PRKD3: variants seen among roughly 807,000 people sequenced by gnomAD.
PRKD3 encodes protein kinase D3.
A neutral mutation model predicts 99.2 loss-of-function variants in PRKD3; 47 were observed. The ratio of observed to expected loss-of-function variants is 0.47; its 90% confidence interval spans 0.38 to 0.60. The LOEUF is 0.60. Among genes scored for constraint, PRKD3 ranks in the 20% least tolerant of loss-of-function variants. PRKD3 has a pLI of 0.00. For synonymous variants in PRKD3, 392 were observed against 355.4 expected, an observed-to-expected ratio of 1.10 and a Z score of -1.16; for missense variants, 1,019 against 1,088.4, an observed-to-expected ratio of 0.94 and a Z score of 0.90.
chr2:37,316,861 C>A lies in PRKD3; in HGVS notation c.-337G>T, dbSNP rs1016334326. 7 of 1,052,342 alleles carry A rather than the reference C, an allele frequency of 6.7e-6. No individual in the cohort carries two copies. In the African/African-American group the frequency reaches 1.2e-4, roughly 18 times the overall value. 65.2% of individuals were successfully genotyped at this position (1,052,342 alleles called of 1,614,324 possible). A position where few individuals can be genotyped will look rare whatever the true frequency, so the allele number is the denominator to read the frequency against. Reference sequence around the variant, plus strand: ...TTTACGAATCTATTTTCCTTTCAGTCTGTACTTGTCTCTTTAATTTCAGGA... The same window carrying A: ...TTTACGAATCTATTTTCCTTTCAGTATGTACTTGTCTCTTTAATTTCAGGA... On this transcript the variant is annotated 5_prime_UTR_variant, in exon 2 of 19. Coordinates refer to ENST00000234179, the MANE Select transcript of PRKD3 (RefSeq NM_005813.6).
intron 5 of PRKD3, 127 bp from the exon 6 acceptor site, chr2:37,286,496 A>T: frequency 1.3e-6 from 1 of 746,392 alleles, no homozygotes; most frequent in Non-Finnish European, 2.1e-6. Context: ...TGTTGTTCTC[A>T]GCAGTTTCCT....
chr2:37,273,310 G>C (rs1264407599), intron 11 of PRKD3, among the ~76,000 whole-genome samples: 2 of 152,036 alleles, frequency 1.3e-5, no homozygotes, highest in East Asian at 3.9e-4. Context: ...AAGAACCACT[G>C]TGAAACATCC....
intron 1 of PRKD3, among the ~76,000 whole-genome samples, chr2:37,322,273 C>CGA (rs1671918326): frequency 6.6e-6 from 1 of 152,152 alleles, no homozygotes; most frequent in Non-Finnish European, 1.5e-5. Context: ...CAAGTGTCTA[C>CGA]GTCGTTGGTT....
At chr2:37,266,860 T>G (rs1050673825) in intron 14 of PRKD3, among the ~76,000 whole-genome samples, 1 of 152,206 alleles carries the variant, frequency 6.6e-6, no homozygotes, top group African/African-American at 2.4e-5. Context: ...TTGCATATTA[T>G]AAATTATTTA....
intron 3 of PRKD3, 38 bp from the exon 4 acceptor site, chr2:37,291,037 T>G (rs1183264229): frequency 1.3e-6 from 2 of 1,541,086 alleles, no homozygotes; most frequent in Non-Finnish European, 1.8e-6. Flanking sequence ...ACGTTGTATT[T>G]GTACTGCGAT....
At position 37,256,764 on chromosome 2, in the gene PRKD3, T is replaced by G; in HGVS notation, c.2311A>C (p.Ser771Arg). Residue 771 changes from serine (S) to arginine (R), a missense_variant, in exon 17 of 19, where the codon AGT (serine) becomes CGT (arginine). Coordinates refer to ENST00000234179, the MANE Select transcript of PRKD3 (RefSeq NM_005813.6). ...TCCTCATTAAAAGGAAATGTGCCAC[T>G]GAGGCTCACATAGATGATAACTCCC... ...SVGVIIYVSL[S>R]GTFPFNEDED... 1.2e-6 allele frequency: 2 copies of G among 1,613,346 alleles called. No homozygotes were observed. Among genetic ancestry groups the G allele is most frequent in the Non-Finnish European group, 1.7e-6 (2 of 1,179,934 alleles).
chr2:37,316,853 C>T lies in PRKD3; in HGVS notation c.-329G>A, dbSNP rs1472831065. 1.8e-6 allele frequency: 2 copies of T among 1,095,412 alleles called. No individual in the cohort carries two copies. The highest frequency in any genetic ancestry group is 2.2e-6 in the Non-Finnish European group (2 of 899,964). 67.9% of individuals were successfully genotyped at this position (1,095,412 alleles called of 1,614,324 possible). A position where few individuals can be genotyped will look rare whatever the true frequency, so the allele number is the denominator to read the frequency against. On this transcript the variant is annotated 5_prime_UTR_variant, in exon 2 of 19. Coordinates refer to ENST00000234179, the MANE Select transcript of PRKD3 (RefSeq NM_005813.6). Reference sequence around the variant, plus strand: ...GTAGCTTATTTACGAATCTATTTTCCTTTCAGTCTGTACTTGTCTCTTTAA... The same window carrying T: ...GTAGCTTATTTACGAATCTATTTTCTTTTCAGTCTGTACTTGTCTCTTTAA...
At chr2:37,263,065 T>G (rs1419238557) in intron 14 of PRKD3, among the ~76,000 whole-genome samples, 1 of 152,182 alleles carries the variant, frequency 6.6e-6, no homozygotes, top group South Asian at 2.1e-4. Context: ...TGATCTGTTA[T>G]TCCTTTCTGC....
At chr2:37,312,005 A>G (rs1214175811) in intron 2 of PRKD3, among the ~76,000 whole-genome samples, 1 of 152,270 alleles carries the variant, frequency 6.6e-6, no homozygotes, top group Non-Finnish European at 1.5e-5. Context: ...GTTTGTAAAC[A>G]TCCTGATCCT....
Position 37,282,629 on chromosome 2 carries a change from A to T in PRKD3, c.911-10T>A. 6.4e-7 allele frequency: 1 copy of T among 1,558,606 alleles called. No homozygotes were observed. The highest frequency in any genetic ancestry group is 8.8e-7 in the Non-Finnish European group (1 of 1,130,016). On this transcript the variant is annotated splice_polypyrimidine_tract_variant and intron_variant, in intron 6 of 18. Transcript: ENST00000234179. ...CAGTTGAATTTGCAATCTAAAATGA[A>T]AATATTCAGCATATTAATTTATGTA... is the stretch of plus-strand genomic sequence containing the variant.
At chr2:37,286,734 A>G (rs925708974) in intron 5 of PRKD3, among the ~76,000 whole-genome samples, 1 of 152,212 alleles carries the variant, frequency 6.6e-6, no homozygotes, top group African/African-American at 2.4e-5. Context: ...GTGACATCTG[A>G]ATATATTTTG....
At chr2:37,308,922 T>C (rs1671293105) in intron 2 of PRKD3, among the ~76,000 whole-genome samples, 1 of 152,178 alleles carries the variant, frequency 6.6e-6, no homozygotes, top group Non-Finnish European at 1.5e-5. Flanking sequence ...AGATAGTATA[T>C]AACTTCAGTT....
At chr2:37,286,482 A>G (rs557558481) in intron 5 of PRKD3, 113 bp from the exon 6 acceptor site, 34 of 871,778 alleles carry the variant, frequency 3.9e-5, no homozygotes, top group Middle Eastern at 5.3e-4. Context: ...AAAAACTCTA[A>G]AAATGTTGTT....
chr2:37,280,264 C>T lies in PRKD3; in HGVS notation c.989-335G>A, dbSNP rs564880384. Among the ~76,000 whole-genome samples, 77 of 152,102 alleles carry T rather than the reference C, an allele frequency of 5.1e-4. No homozygotes were observed. In the South Asian group the frequency reaches 0.015, roughly 30 times the overall value. On this transcript the variant is annotated intron_variant, in intron 7 of 18. Coordinates refer to ENST00000234179, the MANE Select transcript of PRKD3 (RefSeq NM_005813.6). Reference sequence around the variant, plus strand: ...TTCGCCATGTTGGCCAGGCTGGTCTCGAACTCCTGACCTCAGGGGATCCAC... The same window carrying T: ...TTCGCCATGTTGGCCAGGCTGGTCTTGAACTCCTGACCTCAGGGGATCCAC...
At chr2:37,282,191 A>G in intron 7 of PRKD3, 1 of 182,526 alleles carries the variant, frequency 5.5e-6, no homozygotes, top group Non-Finnish European at 1.2e-5. Context: ...AAGAGTTTAG[A>G]ACAGTGCCTG....
intron 8 of PRKD3, among the ~76,000 whole-genome samples, 179 bp downstream of exon 8, chr2:37,279,567 T>C (rs1406460238): frequency 6.6e-6 from 1 of 151,934 alleles, no homozygotes; most frequent in East Asian, 1.9e-4. Flanking sequence ...CTTGAGTGGA[T>C]GGCAAGGGTG....
chr2:37,324,161 G>A (rs986677756), intron 1 of PRKD3: 2 of 984,922 alleles, frequency 2.0e-6, no homozygotes, highest in African/African-American at 3.5e-5. Context: ...GGATACTGGG[G>A]CGAGGGGCTT....
intron 14 of PRKD3, among the ~76,000 whole-genome samples, chr2:37,266,604 A>T (rs565372031): frequency 2.6e-5 from 4 of 151,996 alleles, no homozygotes; most frequent in African/African-American, 4.8e-5. Flanking sequence ...CTCCTGCCTC[A>T]GCCTCCTGAG....
chr2:37,259,520 T>C, intron 16 of PRKD3, 63 bp downstream of exon 16: 1 of 1,326,050 alleles, frequency 7.5e-7, no homozygotes, highest in Non-Finnish European at 1.1e-6. Flanking sequence ...CACTGCCTTT[T>C]ATTATGTGGG....
Sources: allele counts gnomAD v4.1 joint callset (sites outside exome capture counted in the v4.1 genomes callset), GRCh38; gene constraint gnomAD v4.1.1; transcripts MANE v1.5; gene names NCBI Gene and HGNC (gene_info 2026-07-23, HGNC 2026-07-21).